The following MKI67 variants were observed in gnomAD, a reference collection of about 807,000 sequenced individuals.
MKI67 encodes the protein marker of proliferation Ki-67.
A neutral mutation model predicts 233.5 loss-of-function variants in MKI67; 152 were observed. The observed-to-expected ratio is 0.65, with a 90% confidence interval of 0.57 to 0.74. The LOEUF (loss-of-function observed/expected upper bound fraction) is 0.74. Ranked by LOEUF, MKI67 falls within the 30% of genes least tolerant of loss-of-function variation. The pLI is 0.00. For missense variants in MKI67, 3,940 were observed against 3,885.2 expected (o/e 1.01, Z -0.37); for synonymous variants, 1,465 against 1,418.5 (o/e 1.03, Z -0.74).
rs1219472735 is a variant in MKI67, at chr10:128,108,101, TG to T, written c.3738del (p.Thr1247LeufsTer32). On this transcript the variant is annotated frameshift_variant, in exon 13 of 15. Coordinates refer to ENST00000368654, the MANE Select transcript of MKI67 (RefSeq NM_002417.5). LOFTEE classifies it high-confidence loss of function. ...TGTGGAGAGTCGCAGGGTATTTTAG[TG>T]GTTTTACCAGCAGCCACTAATTCCT... ...HTEELVAAGK[T>X]TKIPCDSPQS... is the part of the protein sequence containing the mutation. The T allele has an allele frequency of 6.2e-7, 1 of 1,612,924 alleles. No individual in the cohort carries two copies. Among genetic ancestry groups the T allele is most frequent in the African/African-American group, 1.3e-5 (1 of 74,486 alleles).
At position 128,105,420 on chromosome 10, in the gene MKI67, G is replaced by A; in HGVS notation, c.6420C>T (p.Leu2140=). 1 of 1,614,140 alleles carries A rather than the reference G, an allele frequency of 6.2e-7. No homozygotes were observed. Residue 2140 remains leucine (L), a synonymous_variant, in exon 13 of 15, where the codon CTC becomes CTT. Coordinates refer to ENST00000368654, the MANE Select transcript of MKI67 (RefSeq NM_002417.5). ...CTTTGTCTGTGTGTGTGGTCTGTGT[G>A]AGCTGCTTCAGGGCTGAGAGCTCTT... ...IVEELSALKQ[L]TQTTHTDKVP...
rs935836854 is a variant in MKI67, at chr10:128,098,097, T to C, written c.*1093A>G. 6.6e-6 allele frequency: 1 copy of C among 152,244 alleles called. No individual in the cohort carries two copies. Among genetic ancestry groups the C allele is most frequent in the African/African-American group, 2.4e-5 (1 of 41,444 alleles). 9.4% of individuals were successfully genotyped at this position (152,244 alleles called of 1,614,324 possible). On this transcript the variant is annotated 3_prime_UTR_variant, in exon 15 of 15. Coordinates refer to ENST00000368654, the MANE Select transcript of MKI67 (RefSeq NM_002417.5). ...AGGTGACCTGGGGGATGGCGGGCTA[T>C]TCTCTGATTTGGGGAACACAGAGAG...
rs1465669116 is a variant in MKI67, at chr10:128,116,590, A to G, written c.355-54T>C. ...TTTGCAGGTCTTTCTAAATGATGAC[A>G]GTCACAACAGTGAAAATATTATTTA... On this transcript the variant is annotated intron_variant, in intron 5 of 14. Transcript: ENST00000368654. The G allele has an allele frequency of 2.8e-6, 4 of 1,445,088 alleles. No homozygotes were observed. In the African/African-American group the frequency reaches 5.6e-5, roughly 20 times the overall value. The allele number at this position is 1,445,088 out of a possible 1,614,324, so 89.5% of individuals were successfully genotyped here.
rs1194484067 is a variant in MKI67 at position 128,107,105 on chromosome 10, T to C, written c.4735A>G (p.Lys1579Glu). The part of the protein sequence containing the change: ...TGSKRRLQTP[K>E]EKAQALEDLA... ...TCTTCTAGAGCCTGGGCCTTTTCCTTAGGAGTTTGTAGCCGTCTCTTGCTG... is the reference window on the plus strand; with the variant it reads ...TCTTCTAGAGCCTGGGCCTTTTCCTCAGGAGTTTGTAGCCGTCTCTTGCTG... The change falls in exon 13 of 15, where the codon AAG (lysine) becomes GAG (glutamate). Residue 1579 changes from lysine (K) to glutamate (E), a missense_variant. Lys to Glu is a moderately conservative substitution (Grantham distance 56, BLOSUM62 1). Transcript: ENST00000368654. The C allele has an allele frequency of 2.5e-6, 4 of 1,613,736 alleles. No individual in the cohort carries two copies. Among genetic ancestry groups the C allele is most frequent in the Non-Finnish European group, 8.5e-7 (1 of 1,179,934 alleles).
chr10:128,114,533 G>A (rs1384944502), intron 7 of MKI67, among the ~76,000 whole-genome samples: 1 of 152,154 alleles, frequency 6.6e-6, no homozygotes, highest in African/African-American at 2.4e-5. Flanking sequence ...ATGATTACCA[G>A]TGATTTATTC....
intron 11 of MKI67, 87 bp from the exon 12 acceptor site, chr10:128,110,620 G>T: frequency 9.7e-7 from 1 of 1,034,280 alleles, no homozygotes; most frequent in Non-Finnish European, 1.4e-6. Flanking sequence ...CGTGCAAATG[G>T]TGGGAAATAA....
In MKI67 at chr10:128,107,592, T is replaced by G; in HGVS notation, c.4248A>C (p.Glu1416Asp). 2 of 1,614,106 alleles carry G rather than the reference T, an allele frequency of 1.2e-6. No individual in the cohort carries two copies. Among genetic ancestry groups the G allele is most frequent in the Admixed American group, 3.3e-5 (2 of 60,016 alleles). The change falls in exon 13 of 15, where the codon GAA becomes GAC. Residue 1416 changes from glutamate to aspartate, a missense_variant. Glu to Asp is a conservative substitution (Grantham distance 45). Coordinates refer to ENST00000368654, the MANE Select transcript of MKI67 (RefSeq NM_002417.5). Reference sequence around the variant, plus strand: ...CTGGTACTTTATCTGTGTGTGTGGTTTCCCCTGATGTCTGTGTGAGCTTCT... The same window carrying G: ...CTGGTACTTTATCTGTGTGTGTGGTGTCCCCTGATGTCTGTGTGAGCTTCT... Reference protein sequence around the residue: ...ALKKLTQTSGETTHTDKVPGG... With the variant: ...ALKKLTQTSGDTTHTDKVPGG...
In MKI67 at chr10:128,105,687, G is replaced by GT; in HGVS notation, c.6152dup (p.Asp2051GlufsTer17). ...CCATCCCAGTTCCATAGTTTGCTGG[G>GT]TCCAGCATCTGCTTTGCAGATTCCT... On this transcript the variant is annotated frameshift_variant, in exon 13 of 15. Coordinates refer to ENST00000368654, the MANE Select transcript of MKI67 (RefSeq NM_002417.5). LOFTEE classifies it high-confidence loss of function. 1 of 1,613,922 alleles carries GT rather than the reference G, an allele frequency of 6.2e-7. No individual in the cohort carries two copies. Among genetic ancestry groups the GT allele is most frequent in the Non-Finnish European group, 8.5e-7 (1 of 1,180,004 alleles).
intron 6 of MKI67, 67 bp from the exon 7 acceptor site, chr10:128,116,074 A>C (rs1021803796): frequency 2.7e-6 from 4 of 1,485,624 alleles, no homozygotes; most frequent in Non-Finnish European, 3.6e-6. Context: ...CATTTGTGGA[A>C]TTCAATATTT....
In MKI67 at chr10:128,108,232, G is replaced by T. The variant is rs781633700; in HGVS notation, c.3608C>A (p.Thr1203Asn). 6.2e-6 allele frequency: 10 copies of T among 1,609,916 alleles called. No homozygotes were observed. The highest frequency in any genetic ancestry group is 3.4e-5 in the Admixed American group (2 of 59,574). The change falls in exon 13 of 15, where the codon ACT becomes AAT. Residue 1203 changes from threonine (T) to asparagine (N), a missense_variant. Physicochemically the swap from Thr to Asn is moderately conservative, Grantham distance 65. Coordinates refer to ENST00000368654, the MANE Select transcript of MKI67 (RefSeq NM_002417.5). ...TPVQKLDLAG[T>N]LPGSKRQLQT... ...TAGCTGTCTTTTGCTGCCAGGTAAA[G>T]TTCCTGCCAGGTCCAGTTTCTGCAC...
chr10:128,106,212 C>G lies in MKI67; in HGVS notation c.5628G>C (p.Arg1876=). The G allele has an allele frequency of 6.2e-7, 1 of 1,613,040 alleles. No homozygotes were observed. The highest frequency in any genetic ancestry group is 1.1e-5 in the South Asian group (1 of 91,042). The part of the protein sequence containing the change: ...PADTPTNTKQ[R]PKRSLKKADV... ...CTGCTTTCTTGAGGCTTCTCTTGGG[C>G]CGTTGCTTTGTGTTTGTTGGGGTGT... The change falls in exon 13 of 15, where the codon CGG becomes CGC. Residue 1876 remains arginine, a synonymous_variant. Transcript: ENST00000368654.
intron 5 of MKI67, among the ~76,000 whole-genome samples, chr10:128,118,782 A>T (rs567716530): frequency 1.3e-5 from 2 of 152,356 alleles, no homozygotes; most frequent in South Asian, 4.1e-4. Flanking sequence ...GACAAAGCAC[A>T]GGATCCCTTT....
At position 128,101,585 on chromosome 10, in the gene MKI67, C is replaced by A; in HGVS notation, c.9378G>T (p.Lys3126Asn). ...TCTGAATGTCCATCTCTGGGGAGGT[C>A]TTCATGGGCTTCTTTTCATTTCTGT... is the stretch of plus-strand genomic sequence containing the variant. ...EINRNEKKPMKTSPEMDIQNP... is the reference protein window; with the variant it reads ...EINRNEKKPMNTSPEMDIQNP... Residue 3126 changes from lysine (K) to asparagine (N), a missense_variant, in exon 14 of 15, where the codon AAG (lysine) becomes AAT (asparagine). Transcript: ENST00000368654. 6.2e-7 allele frequency: 1 copy of A among 1,614,152 alleles called. No homozygotes were observed. Among genetic ancestry groups the A allele is most frequent in the Non-Finnish European group, 8.5e-7 (1 of 1,180,026 alleles).
At chr10:128,120,014 T>C (rs1852898578) in intron 4 of MKI67, among the ~76,000 whole-genome samples, 1 of 152,224 alleles carries the variant, frequency 6.6e-6, no homozygotes, top group Non-Finnish European at 1.5e-5. Context: ...GCAACCTAAG[T>C]AAGATCTGAA....
At position 128,108,529 on chromosome 10, in the gene MKI67, C is replaced by A; in HGVS notation, c.3311G>T (p.Gly1104Val). ...TGGTGTCTGGAAGAGCTCTTTGAAGCCAGCCAGGTCTTCTAGTGACTGGGC... is the reference window on the plus strand; with the variant it reads ...TGGTGTCTGGAAGAGCTCTTTGAAGACAGCCAGGTCTTCTAGTGACTGGGC... Reference protein sequence around the residue: ...EEAQSLEDLAGFKELFQTPGP... With the variant: ...EEAQSLEDLAVFKELFQTPGP... Residue 1104 changes from glycine to valine, a missense_variant, in exon 13 of 15, where the codon GGC (glycine) becomes GTC (valine). Gly to Val is a moderately radical substitution (Grantham distance 109). Coordinates refer to ENST00000368654, the MANE Select transcript of MKI67 (RefSeq NM_002417.5). 1 of 1,614,130 alleles carries A rather than the reference C, an allele frequency of 6.2e-7. No individual in the cohort carries two copies. Among genetic ancestry groups the A allele is most frequent in the East Asian group, 2.2e-5 (1 of 44,884 alleles).
chr10:128,108,579 C>A lies in MKI67; in HGVS notation c.3261G>T (p.Lys1087Asn), dbSNP rs1412038466. ...CCTCTTCCTTAGGCGTTCTTGGCCA[C>A]TTCTTCATTCCAGTTACACGGGCTG... is the stretch of plus-strand genomic sequence containing the variant. The part of the protein sequence containing the change: ...DPAARVTGMK[K>N]WPRTPKEEAQ... Residue 1087 changes from lysine (K) to asparagine (N), a missense_variant, in exon 13 of 15, where the codon AAG becomes AAT. Lys to Asn is a moderately conservative substitution (Grantham distance 94). Coordinates refer to ENST00000368654, the MANE Select transcript of MKI67 (RefSeq NM_002417.5). 8.7e-6 allele frequency: 14 copies of A among 1,614,076 alleles called. No individual in the cohort carries two copies. Among genetic ancestry groups the A allele is most frequent in the African/African-American group, 2.7e-5 (2 of 74,918 alleles).
rs1054943860 is a variant in MKI67, at chr10:128,123,265, G to C, written c.93-96C>G. 10 of 857,020 alleles carry C rather than the reference G, an allele frequency of 1.2e-5. No individual in the cohort carries two copies. The Admixed American group carries it at 1.9e-4, about 17-fold the overall frequency. The allele number at this position is 857,020 out of a possible 1,614,324, so 53.1% of individuals were successfully genotyped here. On this transcript the variant is annotated intron_variant, in intron 2 of 14. Coordinates refer to ENST00000368654, the MANE Select transcript of MKI67 (RefSeq NM_002417.5). ...AAAACACAATTTGACTAGAATGTTT[G>C]ATCTGTAAATATGACATAAAGGAGT...
chr10:128,114,689 C>T (rs1361639171), intron 7 of MKI67, among the ~76,000 whole-genome samples: 1 of 152,194 alleles, frequency 6.6e-6, no homozygotes, highest in Non-Finnish European at 1.5e-5. Flanking sequence ...CCTTCAATAA[C>T]CCCTGCTTCA....
Position 128,108,129 on chromosome 10 carries a change from GGT to G in MKI67, c.3709_3710del (p.Thr1237ArgfsTer8). 1 of 1,607,676 alleles carries G rather than the reference GGT, an allele frequency of 6.2e-7. No homozygotes were observed. Among genetic ancestry groups the G allele is most frequent in the Non-Finnish European group, 8.5e-7 (1 of 1,178,028 alleles). On this transcript the variant is annotated frameshift_variant, in exon 13 of 15. Transcript: ENST00000368654. LOFTEE classifies it high-confidence loss of function. ...TTTTACCAGCAGCCACTAATTCCTC[GGT>G]GTGACCAGGAGTCTGGAAGAGCTCT... is the stretch of plus-strand genomic sequence containing the variant. ...FKELFQTPGH[T>X]EELVAAGKTT... is the part of the protein sequence containing the mutation.
Sources: gnomAD v4.1 joint callset for allele counts (sites outside exome capture counted in the v4.1 genomes callset) on GRCh38, gnomAD v4.1.1 for gene constraint, MANE v1.5 for transcripts, NCBI Gene and HGNC (gene_info 2026-07-23, HGNC 2026-07-21) for gene names.